DLC1: variants seen among roughly 807,000 people sequenced by gnomAD.
DLC1 encodes DLC1 Rho GTPase activating protein, also known as rho GTPase-activating protein 7.
Under a neutral mutation model 140.3 loss-of-function variants are expected in DLC1, and 54 were observed. That is an observed-to-expected ratio of 0.38 (90% CI 0.31 to 0.48). The LOEUF (loss-of-function observed/expected upper bound fraction) is 0.48, where lower values mean the gene tolerates loss of function less well. Among genes scored for constraint, DLC1 ranks in the 20% least tolerant of loss-of-function variants. The pLI is 0.96. For missense variants in DLC1, 2,536 were observed against 1,907.0 expected (o/e 1.33, Z -6.14); for synonymous variants, 986 against 728.1 (o/e 1.35, Z -5.70).
At chr8:13,085,980 C>T in intron 17 of DLC1, 49 bp from the exon 18 acceptor site, 1 of 1,599,654 alleles carries the variant, frequency 6.3e-7, no homozygotes, top group Non-Finnish European at 8.5e-7. Context: ...AGTTAGAAAG[C>T]ATGGAAATAA....
In DLC1 at chr8:13,442,190, G is replaced by T. The variant is rs956762131; in HGVS notation, c.1024-40571C>A. ...AACTAGATCCTTTCCTTACACCTTAGACAAAAATTCATTCAAGATGGATTA... is the reference window on the plus strand; with the variant it reads ...AACTAGATCCTTTCCTTACACCTTATACAAAAATTCATTCAAGATGGATTA... On this transcript the variant is annotated intron_variant, in intron 2 of 17. Transcript: ENST00000276297. Among the ~76,000 whole-genome samples, 5 of 152,060 alleles carry T rather than the reference G, an allele frequency of 3.3e-5. No individual in the cohort carries two copies. The South Asian group carries it at 8.3e-4, about 25-fold the overall frequency.
intron 4 of DLC1, among the ~76,000 whole-genome samples, chr8:13,379,376 A>G (rs959407062): frequency 2.0e-5 from 3 of 152,208 alleles, no homozygotes; most frequent in Non-Finnish European, 4.4e-5. Context: ...TCTTAAGTCA[A>G]AAATGCACTT....
chr8:13,496,172 A>G (rs911737481), intron 2 of DLC1, among the ~76,000 whole-genome samples: 1 of 152,134 alleles, frequency 6.6e-6, no homozygotes, highest in Admixed American at 6.6e-5. Context: ...CCTCCAAAAA[A>G]CTTATCTCTT....
intron 4 of DLC1, among the ~76,000 whole-genome samples, chr8:13,310,309 G>T (rs1832624131): frequency 1.3e-5 from 2 of 152,202 alleles, no homozygotes; most frequent in Admixed American, 6.5e-5. Context: ...TTCTTTATTT[G>T]CCTTTTAAAA....
At chr8:13,347,095 A>G (rs1036096479) in intron 4 of DLC1, among the ~76,000 whole-genome samples, 1 of 152,216 alleles carries the variant, frequency 6.6e-6, no homozygotes, top group African/African-American at 2.4e-5. Context: ...AGGAGGAAAC[A>G]TAGTATACAC....
intron 1 of DLC1, among the ~76,000 whole-genome samples, chr8:13,600,722 C>CT (rs35249264): frequency 2.7e-5 from 4 of 150,672 alleles, no homozygotes; most frequent in East Asian, 1.9e-4. Flanking sequence ...TAAAGTAAAT[C>CT]TTTTTTTTTA....
At position 13,501,902 on chromosome 8, in the gene DLC1, A is replaced by G. The variant is rs1801838418; in HGVS notation, c.-125-1706T>C. ...TGCAAGCCAGAAAATTTCTGCTTTCATGGGCACATTTGGGAGGTAATAGGG... is the reference window on the plus strand; with the variant it reads ...TGCAAGCCAGAAAATTTCTGCTTTCGTGGGCACATTTGGGAGGTAATAGGG... On this transcript the variant is annotated intron_variant, in intron 1 of 17. Transcript: ENST00000276297. 4.6e-5 allele frequency among the ~76,000 whole-genome samples: 7 copies of G among 152,324 alleles called. No individual in the cohort carries two copies. In the South Asian group the frequency reaches 1.5e-3, roughly 32 times the overall value.
intron 2 of DLC1, among the ~76,000 whole-genome samples, chr8:13,431,735 T>G (rs952033249): frequency 1.3e-5 from 2 of 151,602 alleles, no homozygotes; most frequent in Admixed American, 6.6e-5. Context: ...TTAGAACGGG[T>G]GATATGCTTA....
chr8:13,240,790 A>G (rs1308043190), intron 5 of DLC1, among the ~76,000 whole-genome samples: 1 of 152,204 alleles, frequency 6.6e-6, no homozygotes, highest in East Asian at 1.9e-4. Flanking sequence ...GCCAATTTCT[A>G]TTCAAATGGA....
intron 1 of DLC1, among the ~76,000 whole-genome samples, chr8:13,590,752 T>A (rs1223690730): frequency 1.3e-5 from 2 of 152,154 alleles, no homozygotes; most frequent in Non-Finnish European, 2.9e-5. Flanking sequence ...TCATGCCTAA[T>A]TATGCCATTA....
At chr8:13,397,847 C>T (rs928732444) in intron 3 of DLC1, among the ~76,000 whole-genome samples, 2 of 151,412 alleles carry the variant, frequency 1.3e-5, no homozygotes, top group African/African-American at 2.4e-5. Flanking sequence ...AAGAACAAGA[C>T]CTTGGCCAGG....
At chr8:13,362,062 G>A (rs988263773) in intron 4 of DLC1, among the ~76,000 whole-genome samples, 6 of 152,212 alleles carry the variant, frequency 3.9e-5, no homozygotes, top group Admixed American at 3.3e-4. Context: ...TGAGAAAACA[G>A]CAGAACTTTC....
At chr8:13,201,165 C>G (rs2016444) in intron 5 of DLC1, among the ~76,000 whole-genome samples, 16,420 of 150,932 alleles carry the variant, frequency 0.11, 1,749 homozygotes, top group East Asian at 0.31. Flanking sequence ...CAGCCTGTTT[C>G]TGATTTGTTT....
chr8:13,571,074 A>G (rs1310005939), intron 1 of DLC1, among the ~76,000 whole-genome samples: 1 of 152,202 alleles, frequency 6.6e-6, no homozygotes, highest in Admixed American at 6.5e-5. Flanking sequence ...CTGAATATTG[A>G]TGTTACCTAT....
At chr8:13,485,866 A>C (rs1412281842) in intron 2 of DLC1, among the ~76,000 whole-genome samples, 2 of 152,202 alleles carry the variant, frequency 1.3e-5, no homozygotes, top group African/African-American at 4.8e-5. Context: ...TTTCTAGTCT[A>C]AGCAGAATTT....
chr8:13,397,645 G>A (rs1303226942), intron 3 of DLC1, among the ~76,000 whole-genome samples: 1 of 150,700 alleles, frequency 6.6e-6, no homozygotes, highest in Non-Finnish European at 1.5e-5. Flanking sequence ...CCTGGGCAAT[G>A]TAGAGAAACC....
Position 13,120,356 on chromosome 8 carries a change from A to AAAAAATATATATATAT in DLC1, c.1349-4700_1349-4699insATATATATATATTTTT. On this transcript the variant is annotated intron_variant, in intron 5 of 17. Transcript: ENST00000276297. ...AGACTCCGTCGCAAAAAAAAAAAAA[A>AAAAAATATATATATAT]ATATATATATATATAAAATGTATAT... Among the ~76,000 whole-genome samples the AAAAAATATATATATAT allele has an allele frequency of 9.0e-4, 55 of 61,120 alleles. No individual in the cohort carries two copies. In the East Asian group the frequency reaches 0.013, roughly 14 times the overall value. The allele number at this position is 61,120 out of a possible 152,430, so 40.1% of individuals were successfully genotyped here.
At chr8:13,394,883 T>G (rs1259014319) in intron 3 of DLC1, among the ~76,000 whole-genome samples, 1 of 152,164 alleles carries the variant, frequency 6.6e-6, no homozygotes, top group Non-Finnish European at 1.5e-5. Context: ...GTTGTCAGCT[T>G]GAATCTTACT....
intron 1 of DLC1, among the ~76,000 whole-genome samples, chr8:13,509,600 A>G (rs1324506432): frequency 6.6e-6 from 1 of 152,212 alleles, no homozygotes; most frequent in Non-Finnish European, 1.5e-5. Context: ...AGCACTTATT[A>G]TGGGCCAAGT....
Sources: gnomAD v4.1 joint callset for allele counts (sites outside exome capture counted in the v4.1 genomes callset) on GRCh38, gnomAD v4.1.1 for gene constraint, MANE v1.5 for transcripts, NCBI Gene and HGNC (gene_info 2026-07-23, HGNC 2026-07-21) for gene names.